The following POLE4 variants were observed in gnomAD, a reference collection of about 807,000 sequenced individuals.
POLE4 encodes the protein DNA polymerase epsilon subunit 4.
A neutral mutation model predicts 15.6 loss-of-function variants in POLE4; 15 were observed. That is an observed-to-expected ratio of 0.96 (90% CI 0.64 to 1.48). The LOEUF is 1.48. POLE4 is among the 40% of genes most tolerant of loss of function. The pLI, the probability that POLE4 is intolerant of heterozygous loss-of-function variation, is 0.00. For synonymous variants in POLE4, 83 were observed against 63.2 expected (o/e 1.31, Z -1.49); for missense variants, 205 against 151.9 (o/e 1.35, Z -1.84).
chr2:74,961,633 G>T (rs537602126), intron 3 of POLE4: 3 of 152,312 alleles, frequency 2.0e-5, no homozygotes, highest in African/African-American at 7.2e-5. Flanking sequence ...AATAGAAGTG[G>T]GGTGGTCTTA....
At chr2:74,965,913 T>C (rs1671288482) in intron 3 of POLE4, among the ~76,000 whole-genome samples, 1 of 152,228 alleles carries the variant, frequency 6.6e-6, no homozygotes, top group Non-Finnish European at 1.5e-5. Context: ...ACTGGATTAT[T>C]TTCCTAAATT....
rs999011542 is a variant in POLE4 at position 74,958,900 on chromosome 2, TGCAGCGCGA to T, written c.213+10_213+18del. ...ATTCTGGCACGAGCCGCGGTGCGCC[TGCAGCGCGA>T]GGGCATGCGGGAGTGGGGGAGGTGG... On this transcript the variant is annotated intron_variant, in intron 1 of 3. Transcript: ENST00000483063. 22 of 1,549,582 alleles carry T rather than the reference TGCAGCGCGA, an allele frequency of 1.4e-5. No homozygotes were observed. The highest frequency in any genetic ancestry group is 7.8e-5 in the Admixed American group (4 of 51,066).
intron 3 of POLE4, 92 bp downstream of exon 3, chr2:74,960,238 G>C (rs1671196316): frequency 4.8e-6 from 5 of 1,049,586 alleles, no homozygotes; most frequent in East Asian, 4.7e-5. Flanking sequence ...CCTGCTTCTT[G>C]TTTGTGTAGG....
At chr2:74,959,606 G>T in intron 2 of POLE4, 181 bp downstream of exon 2, 2 of 561,796 alleles carry the variant, frequency 3.6e-6, no homozygotes, top group Non-Finnish European at 3.2e-6. Context: ...TTGGGGTGGC[G>T]GGGCAGTGTG....
chr2:74,960,038 G>T (rs956094303), intron 2 of POLE4, 67 bp from the exon 3 acceptor site: 2 of 1,346,250 alleles, frequency 1.5e-6, no homozygotes, highest in African/African-American at 2.9e-5. Context: ...ACTGCAGATT[G>T]TGCTGTTTTC....
chr2:74,961,556 T>C (rs1474127758), intron 3 of POLE4: 1 of 152,208 alleles, frequency 6.6e-6, no homozygotes, highest in Non-Finnish European at 1.5e-5. Context: ...ATGAGTGATA[T>C]GATCAGATTT....
In POLE4 at chr2:74,969,680, T is replaced by C; in HGVS notation, c.*258T>C. On this transcript the variant is annotated 3_prime_UTR_variant, in exon 4 of 4. Transcript: ENST00000483063. ...GCAGAGATGAAGAAAGTGTTCTGCA[T>C]AAGTGGCTTCCTGAATGATGAGGAC... is the stretch of plus-strand genomic sequence containing the variant. The C allele has an allele frequency of 1.9e-6, 1 of 531,962 alleles. No individual in the cohort carries two copies. Among genetic ancestry groups the C allele is most frequent in the South Asian group, 2.5e-5 (1 of 40,600 alleles). The allele number at this position is 531,962 out of a possible 1,614,324, so 33.0% of individuals were successfully genotyped here. A position where few individuals can be genotyped will look rare whatever the true frequency, so the allele number is the denominator to read the frequency against.
intron 3 of POLE4, 85 bp downstream of exon 3, chr2:74,960,231 GCTT>G (rs1349428696): frequency 1.8e-6 from 2 of 1,142,782 alleles, no homozygotes; most frequent in African/African-American, 3.1e-5. Flanking sequence ...ACGGATGCCT[GCTT>G]CTTGTTTGTG....
chr2:74,968,814 T>G (rs960134442), intron 3 of POLE4, among the ~76,000 whole-genome samples: 1 of 152,024 alleles, frequency 6.6e-6, no homozygotes, highest in African/African-American at 2.4e-5. Flanking sequence ...TTTAGGCATA[T>G]GGGCCTCCTT....
At chr2:74,963,402 A>G (rs895025559) in intron 3 of POLE4, among the ~76,000 whole-genome samples, 11 of 151,536 alleles carry the variant, frequency 7.3e-5, no homozygotes, top group African/African-American at 2.7e-4. Flanking sequence ...TTTCATATAC[A>G]TGCCCATTTT....
chr2:74,959,067 C>G, intron 1 of POLE4, 175 bp downstream of exon 1: 1 of 634,152 alleles, frequency 1.6e-6, no homozygotes, highest in Admixed American at 2.9e-5. Context: ...GTTAACACTC[C>G]TCCCTCTTGT....
Position 74,958,841 on chromosome 2 carries a change from C to T in POLE4, c.162C>T (p.Pro54=), listed in dbSNP as rs754599368. ...TGAAGGCCTTGGTGAAGGCAGATCC[C>T]GACGTGACGCTAGCGGGACAGGAAG... The part of the protein sequence containing the change: ...ARVKALVKAD[P]DVTLAGQEAI... Residue 54 remains proline (P), a synonymous_variant, in exon 1 of 4, where the codon CCC becomes CCT. Coordinates refer to ENST00000483063, the MANE Select transcript of POLE4 (RefSeq NM_019896.4). 3.8e-6 allele frequency: 6 copies of T among 1,560,702 alleles called. No individual in the cohort carries two copies. The highest frequency in any genetic ancestry group is 1.4e-5 in the African/African-American group (1 of 73,442).
rs767798387 is a variant in POLE4, at chr2:74,958,900, T to C, written c.213+8T>C. On this transcript the variant is annotated splice_region_variant and intron_variant, in intron 1 of 3. Transcript: ENST00000483063. ...ATTCTGGCACGAGCCGCGGTGCGCC[T>C]GCAGCGCGAGGGCATGCGGGAGTGG... 1.4e-5 allele frequency: 22 copies of C among 1,549,580 alleles called. No homozygotes were observed. The East Asian group carries it at 4.9e-4, about 34-fold the overall frequency.
chr2:74,963,557 G>T (rs1221131836), intron 3 of POLE4, among the ~76,000 whole-genome samples: 1 of 151,822 alleles, frequency 6.6e-6, no homozygotes, highest in Non-Finnish European at 1.5e-5. Flanking sequence ...AGGCTGGAAT[G>T]CAGTGGCATG....
At chr2:74,962,396 T>A (rs1671233993) in intron 3 of POLE4, among the ~76,000 whole-genome samples, 1 of 152,160 alleles carries the variant, frequency 6.6e-6, no homozygotes, top group Admixed American at 6.5e-5. Flanking sequence ...AACATTTGTA[T>A]CTTATCACAA....
At chr2:74,967,048 T>C (rs867014627) in intron 3 of POLE4, among the ~76,000 whole-genome samples, 3 of 152,216 alleles carry the variant, frequency 2.0e-5, no homozygotes, top group Admixed American at 6.5e-5. Context: ...TTCACTCTGA[T>C]GTACAGAGGT....
chr2:74,959,748 C>G (rs956110543), intron 2 of POLE4: 1 of 424,818 alleles, frequency 2.4e-6, no homozygotes, highest in African/African-American at 2.0e-5. Context: ...GCTGGGAACC[C>G]TCACCTGGGT....
At chr2:74,963,883 C>T (rs1671261525) in intron 3 of POLE4, among the ~76,000 whole-genome samples, 3 of 151,116 alleles carry the variant, frequency 2.0e-5, no homozygotes, top group African/African-American at 4.8e-5. Context: ...TTTTGATACG[C>T]ATTAAAATAT....
chr2:74,958,763 G>T lies in POLE4; in HGVS notation c.84G>T (p.Gln28His). 6.5e-7 allele frequency: 1 copy of T among 1,542,776 alleles called. No homozygotes were observed. The highest frequency in any genetic ancestry group is 8.7e-7 in the Non-Finnish European group (1 of 1,143,436). Residue 28 changes from glutamine to histidine, a missense_variant, in exon 1 of 4, where the codon CAG (glutamine) becomes CAT (histidine). By Grantham distance (24) the Gln-to-His change is conservative. Transcript: ENST00000483063. ...GGGAGGCAGCGGCCTCGCAGCCCCAGGCCCCAACGAGTGTGCCTGGGGCTC... is the reference window on the plus strand; with the variant it reads ...GGGAGGCAGCGGCCTCGCAGCCCCATGCCCCAACGAGTGTGCCTGGGGCTC... ...PAGEAAASQPQAPTSVPGARL... is the reference protein window; with the variant it reads ...PAGEAAASQPHAPTSVPGARL...
Sources: allele counts gnomAD v4.1 joint callset (sites outside exome capture counted in the v4.1 genomes callset), GRCh38; gene constraint gnomAD v4.1.1; transcripts MANE v1.5; gene names NCBI Gene and HGNC (gene_info 2026-07-23, HGNC 2026-07-21).